The following ABCD3 variants were observed in gnomAD, a reference collection of about 807,000 sequenced individuals.
ABCD3 encodes the protein ATP-binding cassette sub-family D member 3.
ABCD3 carries 41 observed loss-of-function variants against 105.5 expected under a neutral mutation model. The observed-to-expected ratio is 0.39, with a 90% CI of 0.30 to 0.50. The LOEUF (loss-of-function observed/expected upper bound fraction) is 0.50. ABCD3 is among the 20% of genes least tolerant of loss of function. The pLI is 0.84. For synonymous variants in ABCD3, 258 were observed against 269.0 expected (o/e 0.96, Z 0.40); for missense variants, 622 against 806.3 (o/e 0.77, Z 2.77).
chr1:94,491,681 G>A (rs1649542617), intron 16 of ABCD3, among the ~76,000 whole-genome samples: 1 of 152,084 alleles, frequency 6.6e-6, no homozygotes, highest in Admixed American at 6.6e-5. Flanking sequence ...GAGCCGCACA[G>A]TAGCGCTACA....
intron 1 of ABCD3, among the ~76,000 whole-genome samples, chr1:94,434,968 T>C (rs1339600437): frequency 6.6e-6 from 1 of 151,956 alleles, no homozygotes; most frequent in African/African-American, 2.4e-5. Context: ...AATTTAGTTG[T>C]GTTTGTGGTT....
intron 1 of ABCD3, among the ~76,000 whole-genome samples, chr1:94,430,287 T>A (rs1659622560): frequency 6.6e-6 from 1 of 152,116 alleles, no homozygotes; most frequent in East Asian, 1.9e-4. Context: ...ACTGTGGACT[T>A]TTGAGTTAAT....
intron 4 of ABCD3, among the ~76,000 whole-genome samples, chr1:94,469,115 C>G (rs1473048429): frequency 1.3e-5 from 2 of 152,182 alleles, no homozygotes. Context: ...GCTCCTCTCA[C>G]TCACAACTGT....
At chr1:94,406,178 A>G in the ABCD3 span, among the ~76,000 whole-genome samples, 3 of 151,916 alleles carry the variant, frequency 2.0e-5, no homozygotes, top group Admixed American at 2.0e-4. Flanking sequence ...AAAAAAAAAA[A>G]CAACTATATT....
chr1:94,458,646 A>G lies in ABCD3; in HGVS notation c.147+3A>G, dbSNP rs749345220. ...AACCACCATTACAGAACAATGAGGT[A>G]AAAGTTTAAATCATCTTCTTTTTGG... On this transcript the variant is annotated splice_donor_region_variant and intron_variant, in intron 2 of 22. Transcript: ENST00000370214. 1.2e-6 allele frequency: 2 copies of G among 1,610,814 alleles called. No homozygotes were observed. Among genetic ancestry groups the G allele is most frequent in the Admixed American group, 3.3e-5 (2 of 59,954 alleles).
chr1:94,440,691 G>A (rs1281438121), intron 1 of ABCD3, among the ~76,000 whole-genome samples: 3 of 152,188 alleles, frequency 2.0e-5, no homozygotes, highest in Non-Finnish European at 4.4e-5. Context: ...TTCGGGTTTT[G>A]TAGCTGTTGG....
chr1:94,503,823 C>CAG (rs367551122), intron 20 of ABCD3, among the ~76,000 whole-genome samples: 66 of 148,116 alleles, frequency 4.5e-4, no homozygotes, highest in African/African-American at 1.6e-3. Flanking sequence ...TTTTTTGAGG[C>CAG]AGTCTCACTG....
chr1:94,438,698 A>G (rs922761645), intron 1 of ABCD3, among the ~76,000 whole-genome samples: 21 of 152,312 alleles, frequency 1.4e-4, no homozygotes, highest in African/African-American at 4.8e-4. Flanking sequence ...AGCCATTAAC[A>G]TGGAGGCAAG....
intron 13 of ABCD3, among the ~76,000 whole-genome samples, chr1:94,489,159 G>C (rs1281362281): frequency 1.3e-5 from 2 of 151,916 alleles, no homozygotes; most frequent in Non-Finnish European, 1.5e-5. Flanking sequence ...CCAACCTCTT[G>C]TCGTTAGTTT....
intron 10 of ABCD3, 73 bp from the exon 11 acceptor site, chr1:94,487,469 T>C: frequency 7.7e-7 from 1 of 1,292,568 alleles, no homozygotes; most frequent in South Asian, 1.2e-5. Flanking sequence ...CTATACAGTT[T>C]GTTTTATCCT....
At chr1:94,396,907 C>T in the ABCD3 span, among the ~76,000 whole-genome samples, 3 of 152,044 alleles carry the variant, frequency 2.0e-5, no homozygotes, top group African/African-American at 7.2e-5. Flanking sequence ...GCTATTTTCC[C>T]AGGCTTTGCT....
chr1:94,417,623 A>C (rs568020643), upstream of ABCD3, among the ~76,000 whole-genome samples: 2 of 152,350 alleles, frequency 1.3e-5, no homozygotes, highest in South Asian at 4.1e-4. Flanking sequence ...AGTGTTTCTC[A>C]AACTTTTTTC....
chr1:94,474,769 G>T (rs755835562), intron 5 of ABCD3, among the ~76,000 whole-genome samples: 1 of 150,536 alleles, frequency 6.6e-6, no homozygotes, highest in South Asian at 2.1e-4. Context: ...ATAGAATTCC[G>T]TTGTCTAGGG....
chr1:94,395,725 T>A, the ABCD3 span, among the ~76,000 whole-genome samples: 1 of 152,110 alleles, frequency 6.6e-6, no homozygotes, highest in African/African-American at 2.4e-5. Context: ...GTAATTGCTG[T>A]TTTTGCCATT....
intron 2 of ABCD3, among the ~76,000 whole-genome samples, chr1:94,459,574 G>C (rs1169933085): frequency 2.0e-5 from 3 of 151,926 alleles, no homozygotes; most frequent in African/African-American, 4.8e-5. Flanking sequence ...GTGTATTTTT[G>C]ACAACTCTAT....
chr1:94,451,412 G>T (rs888377298), intron 1 of ABCD3, among the ~76,000 whole-genome samples: 2 of 152,104 alleles, frequency 1.3e-5, no homozygotes, highest in Non-Finnish European at 2.9e-5. Context: ...AGCAAAGTTT[G>T]CTTCTTTACC....
chr1:94,504,802 TG>T (rs1401768518), intron 20 of ABCD3, among the ~76,000 whole-genome samples: 2 of 152,282 alleles, frequency 1.3e-5, no homozygotes, highest in Non-Finnish European at 2.9e-5. Flanking sequence ...GCAGCAGAAG[TG>T]GTAGGAGGCT....
At chr1:94,424,767 C>T (rs1659399455) in intron 1 of ABCD3, among the ~76,000 whole-genome samples, 1 of 152,170 alleles carries the variant, frequency 6.6e-6, no homozygotes, top group Non-Finnish European at 1.5e-5. Flanking sequence ...TACTTTTCTC[C>T]TTAGCACTTA....
chr1:94,500,701 G>A (rs551578154), intron 20 of ABCD3, among the ~76,000 whole-genome samples: 161 of 152,026 alleles, frequency 1.1e-3, no homozygotes, highest in African/African-American at 3.7e-3. Context: ...TGTTACCTCC[G>A]AGTCCCTGAT....
Sources: gnomAD v4.1 joint callset for allele counts (sites outside exome capture counted in the v4.1 genomes callset) on GRCh38, gnomAD v4.1.1 for gene constraint, MANE v1.5 for transcripts, NCBI Gene and HGNC (gene_info 2026-07-23, HGNC 2026-07-21) for gene names.